The following CD28 variants were observed in gnomAD, a reference collection of about 807,000 sequenced individuals.
CD28 encodes CD28 molecule.
Under a neutral mutation model 21.4 loss-of-function variants are expected in CD28, and 8 were observed. That is an observed-to-expected ratio of 0.37 (90% CI 0.22 to 0.68). The LOEUF is 0.68. Among genes scored for constraint, CD28 ranks in the 30% least tolerant of loss-of-function variants. CD28 has a pLI of 0.55. For missense variants in CD28, 239 were observed against 272.2 expected, an observed-to-expected ratio of 0.88 and a Z score of 0.86; for synonymous variants, 106 against 104.0, an observed-to-expected ratio of 1.02 and a Z score of -0.12.
At chr2:203,725,293 G>GA (rs10712299) in intron 1 of CD28, among the ~76,000 whole-genome samples, 49 of 142,604 alleles carry the variant, frequency 3.4e-4, no homozygotes, top group Admixed American at 7.0e-4. Flanking sequence ...TCCGTCTCCA[G>GA]AAAAAAAAAA....
At chr2:203,711,396 G>T (rs1693307370) in intron 1 of CD28, among the ~76,000 whole-genome samples, 1 of 152,154 alleles carries the variant, frequency 6.6e-6, no homozygotes, top group South Asian at 2.1e-4. Context: ...AATTTCAAAG[G>T]CATGTTTATT....
chr2:203,723,282 T>C (rs768000342), intron 1 of CD28, among the ~76,000 whole-genome samples: 27 of 151,710 alleles, frequency 1.8e-4, no homozygotes, highest in Non-Finnish European at 3.4e-4. Flanking sequence ...AGGTCAGGAG[T>C]TTGAGACCAG....
chr2:203,726,436 A>C (rs974582135), intron 1 of CD28, among the ~76,000 whole-genome samples, 197 bp from the exon 2 acceptor site: 3 of 152,224 alleles, frequency 2.0e-5, no homozygotes, highest in African/African-American at 4.8e-5. Flanking sequence ...TTCCATTCAA[A>C]AGAGGATGAA....
intron 1 of CD28, among the ~76,000 whole-genome samples, chr2:203,709,643 G>A (rs1371760596): frequency 6.6e-6 from 1 of 152,148 alleles, no homozygotes; most frequent in Non-Finnish European, 1.5e-5. Flanking sequence ...GCTGGACTTT[G>A]GGATAGGAGT....
chr2:203,720,563 A>G (rs1693580759), intron 1 of CD28, among the ~76,000 whole-genome samples: 1 of 152,182 alleles, frequency 6.6e-6, no homozygotes, highest in South Asian at 2.1e-4. Flanking sequence ...AATCAAACAC[A>G]AGTTAGGACG....
At chr2:203,714,037 G>A (rs1255928125) in intron 1 of CD28, among the ~76,000 whole-genome samples, 1 of 151,944 alleles carries the variant, frequency 6.6e-6, no homozygotes, top group East Asian at 1.9e-4. Flanking sequence ...TAGGAGATGA[G>A]TGTATTAGAG....
intron 1 of CD28, among the ~76,000 whole-genome samples, chr2:203,713,282 A>T (rs1242660095): frequency 6.6e-6 from 1 of 152,210 alleles, no homozygotes; most frequent in Non-Finnish European, 1.5e-5. Flanking sequence ...CAGAATCCTT[A>T]TCTTTGGAAT....
In CD28 at chr2:203,735,395, A is replaced by G. The variant is rs1000673556; in HGVS notation, c.*483A>G. On this transcript the variant is annotated 3_prime_UTR_variant, in exon 4 of 4. Coordinates refer to ENST00000324106, the MANE Select transcript of CD28 (RefSeq NM_006139.4). ...AGAGTAGGGGGAGGGATAGGAAGAC[A>G]TATTTAAAAACCATTAAAACACTGT... 6.3e-6 allele frequency: 1 copy of G among 158,238 alleles called. No homozygotes were observed. The highest frequency in any genetic ancestry group is 2.4e-5 in the African/African-American group (1 of 41,492). The allele number at this position is 158,238 out of a possible 1,614,324, so 9.8% of individuals were successfully genotyped here.
At chr2:203,710,178 A>G (rs1693272210) in intron 1 of CD28, among the ~76,000 whole-genome samples, 1 of 152,198 alleles carries the variant, frequency 6.6e-6, no homozygotes, top group South Asian at 2.1e-4. Flanking sequence ...GACTTCCAAT[A>G]TGCTGTGGCC....
intron 1 of CD28, among the ~76,000 whole-genome samples, chr2:203,711,366 C>T (rs1432692939): frequency 2.0e-5 from 3 of 152,162 alleles, no homozygotes; most frequent in African/African-American, 7.2e-5. Context: ...AGAGTTTAGA[C>T]TTCTCACTAT....
At position 203,706,655 on chromosome 2, in the gene CD28, G is replaced by C. The variant is rs201138857; in HGVS notation, c.-42G>C. 1.2e-6 allele frequency: 2 copies of C among 1,613,988 alleles called. No individual in the cohort carries two copies. Among genetic ancestry groups the C allele is most frequent in the Non-Finnish European group, 1.7e-6 (2 of 1,179,958 alleles). Reference sequence around the variant, plus strand: ...GTTCCCCTCACACTTCGGGTTCCTCGGGGAGGAGGGGCTGGAACCCTAGCC... The same window carrying C: ...GTTCCCCTCACACTTCGGGTTCCTCCGGGAGGAGGGGCTGGAACCCTAGCC... On this transcript the variant is annotated 5_prime_UTR_variant, in exon 1 of 4. Coordinates refer to ENST00000324106, the MANE Select transcript of CD28 (RefSeq NM_006139.4).
chr2:203,706,486 A>G, upstream of CD28: 1 of 1,494,740 alleles, frequency 6.7e-7, no homozygotes. Flanking sequence ...AAAGTCATCA[A>G]AACAACGTTA....
In CD28 at chr2:203,734,895, G is replaced by T; in HGVS notation, c.646G>T (p.Ala216Ser). The T allele has an allele frequency of 6.2e-7, 1 of 1,614,012 alleles. No individual in the cohort carries two copies. ...GCCCTATGCCCCACCACGCGACTTCGCAGCCTATCGCTCCTGACACGGACG... is the reference window on the plus strand; with the variant it reads ...GCCCTATGCCCCACCACGCGACTTCTCAGCCTATCGCTCCTGACACGGACG... Reference protein sequence around the residue: ...YQPYAPPRDFAAYRS With the variant: ...YQPYAPPRDFSAYRS Residue 216 changes from alanine to serine, a missense_variant, in exon 4 of 4, where the codon GCA (alanine) becomes TCA (serine). By Grantham distance (99) the Ala-to-Ser change is moderately conservative. Transcript: ENST00000324106.
chr2:203,732,977 A>G (rs769747870), intron 3 of CD28, among the ~76,000 whole-genome samples: 4 of 152,150 alleles, frequency 2.6e-5, no homozygotes, highest in Non-Finnish European at 5.9e-5. Flanking sequence ...ACCAGCTATG[A>G]TTTGGTTTGG....
chr2:203,710,971 T>A (rs1156367852), intron 1 of CD28, among the ~76,000 whole-genome samples: 1 of 152,228 alleles, frequency 6.6e-6, no homozygotes, highest in East Asian at 1.9e-4. Flanking sequence ...CAGTACATAG[T>A]TGAGCTGAGC....
chr2:203,726,658 G>A lies in CD28; in HGVS notation c.78G>A (p.Ser26=), dbSNP rs199844145. 9.3e-6 allele frequency: 15 copies of A among 1,607,998 alleles called. 1 individual carries two copies. The highest frequency in any genetic ancestry group is 8.9e-5 in the East Asian group (4 of 44,768). ...VTGNKILVKQ[S]PMLVAYDNAV... ...GAAACAAGATTTTGGTGAAGCAGTC[G>A]CCCATGCTTGTAGCGTACGACAATG... is the stretch of plus-strand genomic sequence containing the variant. Residue 26 remains serine, a synonymous_variant, in exon 2 of 4, where the codon TCG becomes TCA. Transcript: ENST00000324106.
chr2:203,708,363 AG>A lies in CD28; in HGVS notation c.52+1617del, dbSNP rs530853126. Among the ~76,000 whole-genome samples the A allele has an allele frequency of 1.2e-3, 178 of 152,368 alleles. 1 individual carries two copies. Among genetic ancestry groups the A allele is most frequent in the African/African-American group, 3.8e-3 (157 of 41,590 alleles). On this transcript the variant is annotated intron_variant, in intron 1 of 3. Coordinates refer to ENST00000324106, the MANE Select transcript of CD28 (RefSeq NM_006139.4). ...AGAATCTTTAACATTTATTTTAAAA[AG>A]GTCAAACCTTATTTTTAAGAGATCT...
chr2:203,708,284 A>G (rs537368365), intron 1 of CD28, among the ~76,000 whole-genome samples: 1 of 152,344 alleles, frequency 6.6e-6, no homozygotes, highest in East Asian at 1.9e-4. Context: ...GAAAGACATG[A>G]GTTGGCAATG....
chr2:203,732,450 A>G (rs1487470149), intron 3 of CD28, among the ~76,000 whole-genome samples: 1 of 152,154 alleles, frequency 6.6e-6, no homozygotes, highest in Non-Finnish European at 1.5e-5. Context: ...TATGTTCCCC[A>G]CTGCAGATCA....
Sources: allele counts gnomAD v4.1 joint callset (sites outside exome capture counted in the v4.1 genomes callset), GRCh38; gene constraint gnomAD v4.1.1; transcripts MANE v1.5; gene names NCBI Gene and HGNC (gene_info 2026-07-23, HGNC 2026-07-21).